TSPEAR: variants seen among roughly 807,000 people sequenced by gnomAD.
The protein encoded by TSPEAR is thrombospondin-type laminin G domain and EAR repeat-containing protein.
A neutral mutation model predicts 71.6 loss-of-function variants in TSPEAR; 69 were observed. That is an observed-to-expected ratio of 0.96 (90% CI 0.79 to 1.18). The LOEUF is 1.18. TSPEAR is among the 50% of genes most tolerant of loss of function. The pLI is 0.00. For synonymous variants in TSPEAR, 402 were observed against 387.2 expected (o/e 1.04, Z -0.45); for missense variants, 971 against 894.9 (o/e 1.09, Z -1.09).
chr21:44,697,899 C>A, intron 1 of TSPEAR: 1 of 1,612,646 alleles, frequency 6.2e-7, no homozygotes. Flanking sequence ...TCCTGCGGGT[C>A]CCTCCTCTGC....
chr21:44,586,296 G>C (rs587736003), intron 1 of TSPEAR, among the ~76,000 whole-genome samples: 5 of 152,184 alleles, frequency 3.3e-5, no homozygotes, highest in African/African-American at 4.8e-5. Context: ...AAGAAAACCC[G>C]ATCTTTTTGT....
intron 1 of TSPEAR, among the ~76,000 whole-genome samples, chr21:44,640,136 T>C (rs782333648): frequency 9.9e-5 from 15 of 152,190 alleles, no homozygotes; most frequent in Non-Finnish European, 1.9e-4. Context: ...AGAGCCCAAA[T>C]GTCCATCAGA....
At chr21:44,677,106 G>A (rs1397303907) in intron 1 of TSPEAR, 28 of 716,142 alleles carry the variant, frequency 3.9e-5, no homozygotes, top group Non-Finnish European at 6.8e-5. Flanking sequence ...GAGCTGCTTG[G>A]ACCTTTTTGA....
chr21:44,602,654 C>G (rs587713197), intron 1 of TSPEAR, among the ~76,000 whole-genome samples: 3 of 152,358 alleles, frequency 2.0e-5, no homozygotes, highest in African/African-American at 7.2e-5. Context: ...GTCTGGAATT[C>G]TGGCGTAGCC....
chr21:44,702,255 C>T (rs1261759408), intron 1 of TSPEAR: 12 of 1,605,014 alleles, frequency 7.5e-6, no homozygotes, highest in Admixed American at 1.7e-5. Context: ...GGCAGGTGGA[C>T]GACTGCCCGG....
chr21:44,586,250 C>T (rs1555925665), intron 1 of TSPEAR, among the ~76,000 whole-genome samples: 1 of 152,256 alleles, frequency 6.6e-6, no homozygotes, highest in African/African-American at 2.4e-5. Context: ...GTCTTCAGTC[C>T]TGCTTCTGCC....
chr21:44,659,933 G>T (rs1287911579), intron 1 of TSPEAR, among the ~76,000 whole-genome samples: 7 of 152,208 alleles, frequency 4.6e-5, no homozygotes, highest in Non-Finnish European at 4.4e-5. Flanking sequence ...CAGAGAAATG[G>T]AAACTATAAG....
chr21:44,530,955 A>T lies in TSPEAR; in HGVS notation c.633+88T>A, dbSNP rs1389958658. 4 of 1,041,792 alleles carry T rather than the reference A, an allele frequency of 3.8e-6. No individual in the cohort carries two copies. In the South Asian group the frequency reaches 3.9e-5, roughly 10 times the overall value. The allele number at this position is 1,041,792 out of a possible 1,614,324, so 64.5% of individuals were successfully genotyped here. On this transcript the variant is annotated intron_variant, in intron 4 of 11. Transcript: ENST00000323084. ...CTTTTCCCAGTTAGCACGTCCAAGG[A>T]TCTGTCAACTAGAGCAGTAGGACAA...
At chr21:44,539,580 G>C (rs1555916870) in intron 2 of TSPEAR, 4 of 1,613,614 alleles carry the variant, frequency 2.5e-6, no homozygotes, top group Non-Finnish European at 3.4e-6. Context: ...CAGCAGACAG[G>C]CTTGCAACGG....
chr21:44,646,047 C>T (rs1160174543), intron 1 of TSPEAR, among the ~76,000 whole-genome samples: 2 of 133,622 alleles, frequency 1.5e-5, no homozygotes, highest in African/African-American at 2.9e-5. Flanking sequence ...ATCGCTTGAA[C>T]CCAGGGGGCG....
intron 1 of TSPEAR, chr21:44,600,840 G>A (rs782433714): frequency 1.9e-6 from 3 of 1,608,552 alleles, no homozygotes; most frequent in Admixed American, 1.7e-5. Flanking sequence ...TGACCTGTGA[G>A]CCCAGCCCCT....
chr21:44,658,676 G>A (rs1168218853), intron 1 of TSPEAR, among the ~76,000 whole-genome samples: 1 of 152,182 alleles, frequency 6.6e-6, no homozygotes, highest in Non-Finnish European at 1.5e-5. Context: ...GGTTGGGGGA[G>A]TGGCCTGAAG....
intron 1 of TSPEAR, among the ~76,000 whole-genome samples, chr21:44,572,081 GC>G (rs1456644646): frequency 1.6e-4 from 25 of 152,232 alleles, no homozygotes; most frequent in African/African-American, 5.3e-4. Context: ...TCACCTCCAT[GC>G]CCCACGCACA....
intron 1 of TSPEAR, among the ~76,000 whole-genome samples, chr21:44,589,658 C>T (rs587708704): frequency 1.3e-5 from 2 of 152,190 alleles, no homozygotes; most frequent in African/African-American, 4.8e-5. Context: ...GAGACCCCCC[C>T]ACCAGGAGAT....
intron 2 of TSPEAR, among the ~76,000 whole-genome samples, chr21:44,547,476 T>C (rs587726270): frequency 6.6e-6 from 1 of 152,222 alleles, no homozygotes; most frequent in Non-Finnish European, 1.5e-5. Context: ...AGACAGTGAC[T>C]ATTACAATGG....
intron 2 of TSPEAR, chr21:44,558,555 G>A (rs2053582562): frequency 6.2e-7 from 1 of 1,613,146 alleles, no homozygotes; most frequent in Non-Finnish European, 8.5e-7. Context: ...GCAGGGGCTG[G>A]ACACACAGCT....
intron 1 of TSPEAR, among the ~76,000 whole-genome samples, chr21:44,680,712 A>G (rs1986541587): frequency 1.3e-5 from 2 of 152,246 alleles, no homozygotes; most frequent in African/African-American, 4.8e-5. Flanking sequence ...TCGGCCATAA[A>G]AAAGAATGAA....
chr21:44,632,129 C>A (rs1183502088), intron 1 of TSPEAR, among the ~76,000 whole-genome samples: 1 of 151,344 alleles, frequency 6.6e-6, no homozygotes, highest in Non-Finnish European at 1.5e-5. Context: ...CCAAAAACTT[C>A]CCAAATATGA....
rs904133204 is a variant in TSPEAR at position 44,689,234 on chromosome 21, G to A, written c.82+22199C>T. On this transcript the variant is annotated intron_variant, in intron 1 of 11. Coordinates refer to ENST00000323084, the MANE Select transcript of TSPEAR (RefSeq NM_144991.3). ...AATCCTAAATACGGCCGGGCACGGT[G>A]GCTCACGCCTGTAATCCCAGCACTT... Among the ~76,000 whole-genome samples the A allele has an allele frequency of 5.3e-5, 8 of 152,338 alleles. No homozygotes were observed. The East Asian group carries it at 7.7e-4, about 15-fold the overall frequency.
Sources: gnomAD v4.1 joint callset for allele counts (sites outside exome capture counted in the v4.1 genomes callset) on GRCh38, gnomAD v4.1.1 for gene constraint, MANE v1.5 for transcripts, NCBI Gene and HGNC (gene_info 2026-07-23, HGNC 2026-07-21) for gene names.